The following RSRC1 variants were observed in gnomAD, a reference collection of about 807,000 sequenced individuals.
RSRC1 encodes arginine and serine rich coiled-coil 1.
In RSRC1, 39 loss-of-function variants were observed where a neutral mutation model predicts 49.1. The ratio of observed to expected loss-of-function variants is 0.79; its 90% CI spans 0.61 to 1.04. RSRC1 has a LOEUF of 1.04. RSRC1 is among the 50% of genes least tolerant of loss of function. RSRC1 has a pLI of 0.00. For synonymous variants in RSRC1, 143 were observed against 130.8 expected, an observed-to-expected ratio of 1.09 and a Z score of -0.63; for missense variants, 388 against 402.4, an observed-to-expected ratio of 0.96 and a Z score of 0.31.
chr3:158,205,434 C>A (rs990574658), intron 4 of RSRC1, among the ~76,000 whole-genome samples: 1 of 152,020 alleles, frequency 6.6e-6, no homozygotes, highest in African/African-American at 2.4e-5. Flanking sequence ...TTTAATTGTT[C>A]AGTCAACAGT....
intron 6 of RSRC1, among the ~76,000 whole-genome samples, chr3:158,386,953 C>T (rs1483895788): frequency 6.6e-6 from 1 of 151,482 alleles, no homozygotes; most frequent in African/African-American, 2.4e-5. Flanking sequence ...AAATAAGAAA[C>T]ATTTTATTTT....
At chr3:158,192,619 G>A (rs1047178585) in intron 3 of RSRC1, among the ~76,000 whole-genome samples, 1 of 152,032 alleles carries the variant, frequency 6.6e-6, no homozygotes, top group African/African-American at 2.4e-5. Context: ...ATAAAAATGT[G>A]ATCAGACTCT....
At chr3:158,132,352 A>C (rs1326392400) in intron 3 of RSRC1, 1 of 153,610 alleles carries the variant, frequency 6.5e-6, no homozygotes, top group African/African-American at 2.4e-5. Context: ...CTAATTTATC[A>C]TATTTTAGTA....
chr3:158,165,275 A>G (rs548601697), intron 3 of RSRC1, among the ~76,000 whole-genome samples: 2 of 152,360 alleles, frequency 1.3e-5, no homozygotes, highest in Admixed American at 6.5e-5. Context: ...TTTTAAATGC[A>G]TTAAGGTGAA....
chr3:158,242,289 G>A (rs1011686971), intron 4 of RSRC1, among the ~76,000 whole-genome samples: 5 of 151,948 alleles, frequency 3.3e-5, no homozygotes, highest in Admixed American at 1.3e-4. Context: ...ACTTATAAGT[G>A]AGAACATGCG....
At chr3:158,359,032 T>C (rs1392864671) in intron 6 of RSRC1, among the ~76,000 whole-genome samples, 3 of 152,204 alleles carry the variant, frequency 2.0e-5, no homozygotes, top group Admixed American at 2.0e-4. Context: ...TGTGTATATG[T>C]ACTTGTTTGA....
At chr3:158,432,861 CTA>C (rs746387928) in intron 6 of RSRC1, among the ~76,000 whole-genome samples, 6 of 151,322 alleles carry the variant, frequency 4.0e-5, no homozygotes, top group South Asian at 2.1e-4. Context: ...TCTAGAAATA[CTA>C]TATATATATA....
At chr3:158,190,598 C>T (rs1342628220) in intron 3 of RSRC1, among the ~76,000 whole-genome samples, 15 of 148,586 alleles carry the variant, frequency 1.0e-4, no homozygotes, top group African/African-American at 3.7e-4. Context: ...TTCATATCTC[C>T]CTGTTATTTG....
At chr3:158,474,666 C>T (rs945831902) in intron 7 of RSRC1, among the ~76,000 whole-genome samples, 2 of 152,028 alleles carry the variant, frequency 1.3e-5, no homozygotes, top group African/African-American at 4.8e-5. Context: ...CTCTGCTCAT[C>T]TGTAGGAAGC....
chr3:158,400,840 A>G (rs2108307881), intron 6 of RSRC1, among the ~76,000 whole-genome samples: 1 of 152,174 alleles, frequency 6.6e-6, no homozygotes, highest in African/African-American at 2.4e-5. Context: ...ACAGTAGTGT[A>G]TTGTAATGCC....
At chr3:158,496,210 A>G in intron 7 of RSRC1, among the ~76,000 whole-genome samples, 1 of 152,126 alleles carries the variant, frequency 6.6e-6, no homozygotes, top group South Asian at 2.1e-4. Flanking sequence ...GAATAACTGA[A>G]TTTTGATTTT....
At chr3:158,538,044 A>G (rs1004251841) in intron 8 of RSRC1, among the ~76,000 whole-genome samples, 5 of 151,788 alleles carry the variant, frequency 3.3e-5, no homozygotes, top group Non-Finnish European at 5.9e-5. Context: ...AAAATATTCT[A>G]CCAATTCAAA....
At chr3:158,274,106 G>C (rs1225459763) in intron 4 of RSRC1, among the ~76,000 whole-genome samples, 1 of 152,058 alleles carries the variant, frequency 6.6e-6, no homozygotes, top group Non-Finnish European at 1.5e-5. Flanking sequence ...TAAGAATTCT[G>C]TTTATGTATT....
chr3:158,536,798 T>C (rs1576614981), intron 7 of RSRC1, among the ~76,000 whole-genome samples: 1 of 151,640 alleles, frequency 6.6e-6, no homozygotes, highest in Non-Finnish European at 1.5e-5. Context: ...CCCTTATTCC[T>C]TTTATATGTA....
intron 4 of RSRC1, among the ~76,000 whole-genome samples, chr3:158,270,030 C>A (rs1227829752): frequency 6.6e-6 from 1 of 151,996 alleles, no homozygotes; most frequent in Non-Finnish European, 1.5e-5. Context: ...GATTTTGTTT[C>A]CTGGTATCAG....
chr3:158,265,110 T>C lies in RSRC1; in HGVS notation c.495-32929T>C, dbSNP rs994555005. ...AATCCAGGAGTTTGCCAAGCTCTAC[T>C]TGAGTTCTCCTCTGTTGCACTGGGA... On this transcript the variant is annotated intron_variant, in intron 4 of 9. Transcript: ENST00000611884. Among the ~76,000 whole-genome samples, 59 of 152,190 alleles carry C rather than the reference T, an allele frequency of 3.9e-4. 1 individual carries two copies. Among genetic ancestry groups the C allele is most frequent in the Admixed American group, 3.9e-3 (59 of 15,268 alleles).
chr3:158,300,555 A>G (rs970138053), intron 5 of RSRC1, among the ~76,000 whole-genome samples: 4 of 152,136 alleles, frequency 2.6e-5, no homozygotes, highest in Non-Finnish European at 5.9e-5. Flanking sequence ...TCTCCCTTTC[A>G]CTGCTGAGCA....
chr3:158,189,824 C>T (rs545622676), intron 3 of RSRC1, among the ~76,000 whole-genome samples: 1 of 151,488 alleles, frequency 6.6e-6, no homozygotes, highest in Non-Finnish European at 1.5e-5. Context: ...TGCTTTCTTA[C>T]CTTCTTTGGA....
intron 6 of RSRC1, among the ~76,000 whole-genome samples, chr3:158,368,951 TTAATG>T (rs1254142485): frequency 2.6e-5 from 4 of 152,068 alleles, no homozygotes; most frequent in Non-Finnish European, 5.9e-5. Flanking sequence ...AAAGAAATAA[TTAATG>T]TAATGAAATG....
Sources: gnomAD v4.1 joint callset for allele counts (sites outside exome capture counted in the v4.1 genomes callset) on GRCh38, gnomAD v4.1.1 for gene constraint, MANE v1.5 for transcripts, NCBI Gene and HGNC (gene_info 2026-07-23, HGNC 2026-07-21) for gene names.